TMEM67: variants seen among roughly 807,000 people sequenced by gnomAD.
TMEM67 encodes the protein transmembrane protein 67.
A neutral mutation model predicts 136.6 loss-of-function variants in TMEM67; 124 were observed. The ratio of observed to expected loss-of-function variants is 0.91; its 90% CI spans 0.78 to 1.05. The LOEUF is 1.05. Among genes scored for constraint, TMEM67 ranks in the 50% least tolerant of loss-of-function variants. The pLI is 0.00. For synonymous variants in TMEM67, 364 were observed against 390.5 expected (o/e 0.93, Z 0.80); for missense variants, 1,107 against 1,178.4 (o/e 0.94, Z 0.89).
chr8:93,773,504 A>G (rs1213497274), intron 7 of TMEM67, among the ~76,000 whole-genome samples: 2 of 152,196 alleles, frequency 1.3e-5, no homozygotes, highest in Admixed American at 6.5e-5. Context: ...ATAGTGGACC[A>G]TTGCACAAGG....
At chr8:93,782,919 A>G (rs1813912383) in intron 11 of TMEM67, among the ~76,000 whole-genome samples, 1 of 152,038 alleles carries the variant, frequency 6.6e-6, no homozygotes, top group Non-Finnish European at 1.5e-5. Context: ...ATTTAATATA[A>G]TTTTTTATTA....
chr8:93,785,241 A>G lies in TMEM67; in HGVS notation c.1151A>G (p.Lys384Arg). 6.3e-7 allele frequency: 1 copy of G among 1,588,944 alleles called. No individual in the cohort carries two copies. Among genetic ancestry groups the G allele is most frequent in the Non-Finnish European group, 8.6e-7 (1 of 1,158,364 alleles). The change falls in exon 12 of 28, where the codon AAG becomes AGG. Residue 384 changes from lysine to arginine, a missense_variant. Coordinates refer to ENST00000453321, the MANE Select transcript of TMEM67 (RefSeq NM_153704.6). The stretch of plus-strand genomic sequence containing the variant: ...TTTCAGTGTGAGATTCCTATCTCTA[A>G]GATCTTAATTGACTTTCCCACTCCT... Reference protein sequence around the residue: ...YQQNCEIPISKILIDFPTPIF... With the variant: ...YQQNCEIPISRILIDFPTPIF...
chr8:93,758,542 A>G lies in TMEM67; in HGVS notation c.372A>G (p.Glu124=). 6.2e-7 allele frequency: 1 copy of G among 1,614,060 alleles called. No individual in the cohort carries two copies. The highest frequency in any genetic ancestry group is 8.5e-7 in the Non-Finnish European group (1 of 1,179,928). ...CTTGCCCTAGTGACTTAACTGCCGA[A>G]GGAAAATGTCACTGTCCCATTGGCC... is the stretch of plus-strand genomic sequence containing the variant. ...CISCPSDLTA[E]GKCHCPIGHI... Residue 124 remains glutamate (E), a synonymous_variant, in exon 3 of 28, where the codon GAA becomes GAG. Coordinates refer to ENST00000453321, the MANE Select transcript of TMEM67 (RefSeq NM_153704.6).
At chr8:93,758,343 A>C in intron 2 of TMEM67, 140 bp from the exon 3 acceptor site, 1 of 638,074 alleles carries the variant, frequency 1.6e-6, no homozygotes, top group Non-Finnish European at 2.7e-6. Flanking sequence ...CTCTCCAGGG[A>C]ATTTTTATGT....
At chr8:93,795,774 AGTCCT>A in intron 17 of TMEM67, 122 bp from the exon 18 acceptor site, 1 of 732,044 alleles carries the variant, frequency 1.4e-6, no homozygotes. Flanking sequence ...TCCAGAATCA[AGTCCT>A]GCCCGGGCAG....
At chr8:93,824,114 T>C (rs1194169982), downstream of TMEM67, among the ~76,000 whole-genome samples, 1 of 152,230 alleles carries the variant, frequency 6.6e-6, no homozygotes, top group African/African-American at 2.4e-5. Context: ...AAGGGACAGC[T>C]TGTAGCAGAC....
At chr8:93,830,175 T>G in the TMEM67 span, among the ~76,000 whole-genome samples, 2 of 152,212 alleles carry the variant, frequency 1.3e-5, no homozygotes, top group African/African-American at 2.4e-5. Flanking sequence ...CGAGGACATC[T>G]CCATAAAAGG....
chr8:93,780,501 G>A (rs1813767711), intron 7 of TMEM67, 92 bp from the exon 8 acceptor site: 11 of 1,469,006 alleles, frequency 7.5e-6, no homozygotes, highest in Non-Finnish European at 9.5e-6. Context: ...GGCCATCTTG[G>A]AACAGACCTG....
intron 13 of TMEM67, 110 bp downstream of exon 13, chr8:93,786,456 G>C: frequency 7.6e-7 from 1 of 1,312,326 alleles, no homozygotes; most frequent in East Asian, 2.4e-5. Flanking sequence ...ACAGTTGGTC[G>C]GGTTATTTTA....
downstream of TMEM67, among the ~76,000 whole-genome samples, chr8:93,820,730 A>T (rs756053871): frequency 1.3e-5 from 2 of 152,216 alleles, no homozygotes; most frequent in Non-Finnish European, 2.9e-5. Flanking sequence ...TGCTATGTGA[A>T]TATAAGCTGT....
At chr8:93,758,964 G>A (rs77815548) in intron 3 of TMEM67, 2,802 of 157,816 alleles carry the variant, frequency 0.018, 86 homozygotes, top group African/African-American at 0.061. Context: ...AGCAGGCATT[G>A]AGAAGAAAAT....
chr8:93,828,445 C>A, the TMEM67 span, among the ~76,000 whole-genome samples: 1 of 152,132 alleles, frequency 6.6e-6, no homozygotes, highest in Admixed American at 6.5e-5. Context: ...GGAACACTTA[C>A]CAAGAGAAAA....
At chr8:93,810,122 T>C (rs954562102) in intron 26 of TMEM67, among the ~76,000 whole-genome samples, 9 of 150,714 alleles carry the variant, frequency 6.0e-5, no homozygotes, top group African/African-American at 2.2e-4. Context: ...GCGCCCGCCA[T>C]CACGCCCAGC....
intron 7 of TMEM67, among the ~76,000 whole-genome samples, chr8:93,774,281 C>T (rs148860577): frequency 0.01 from 1,567 of 152,306 alleles, 22 homozygotes; most frequent in African/African-American, 0.036. Flanking sequence ...TCGCAAAGTG[C>T]TGGGATTACA....
At chr8:93,764,022 A>G (rs1812969167) in intron 4 of TMEM67, 81 bp downstream of exon 4, 3 of 927,128 alleles carry the variant, frequency 3.2e-6, no homozygotes, top group African/African-American at 1.6e-5. Context: ...GTGTTTTCCT[A>G]TCATATCACT....
intron 3 of TMEM67, among the ~76,000 whole-genome samples, chr8:93,759,656 T>G (rs1467459061): frequency 6.6e-6 from 1 of 150,650 alleles, no homozygotes; most frequent in East Asian, 1.9e-4. Context: ...TATTTTTGTT[T>G]TTTTTTTTTT....
chr8:93,824,384 T>G, the TMEM67 span, among the ~76,000 whole-genome samples: 1 of 152,214 alleles, frequency 6.6e-6, no homozygotes, highest in East Asian at 1.9e-4. Context: ...TTCTGTAAAT[T>G]ACTAGAACAT....
intron 7 of TMEM67, among the ~76,000 whole-genome samples, chr8:93,773,768 T>G (rs2130627539): frequency 6.6e-6 from 1 of 152,368 alleles, no homozygotes; most frequent in East Asian, 1.9e-4. Flanking sequence ...GGATTAGATT[T>G]TATGTGTAAG....
At chr8:93,811,059 T>G (rs779374467) in intron 26 of TMEM67, among the ~76,000 whole-genome samples, 2 of 152,234 alleles carry the variant, frequency 1.3e-5, no homozygotes, top group Non-Finnish European at 2.9e-5. Context: ...ATGCCAGATA[T>G]TGTGTCAGTC....
Sources: allele counts gnomAD v4.1 joint callset (sites outside exome capture counted in the v4.1 genomes callset), GRCh38; gene constraint gnomAD v4.1.1; transcripts MANE v1.5; gene names NCBI Gene and HGNC (gene_info 2026-07-23, HGNC 2026-07-21).